The following HABP4 variants were observed in gnomAD, a reference collection of about 807,000 sequenced individuals.
HABP4 encodes hyaluronan binding protein 4, also known as intracellular hyaluronan-binding protein 4.
HABP4 carries 32 observed loss-of-function variants against 44.1 expected under a neutral mutation model. The observed-to-expected ratio is 0.73, with a 90% CI of 0.55 to 0.97. The LOEUF (loss-of-function observed/expected upper bound fraction) is 0.97, where lower values mean the gene tolerates loss of function less well. Among genes scored for constraint, HABP4 ranks in the 50% least tolerant of loss-of-function variants. The probability of loss-of-function intolerance (pLI) is 0.00; values close to 1 mark genes in which losing one functional copy is unlikely to be tolerated. For synonymous variants in HABP4, 216 were observed against 218.0 expected (o/e 0.99, Z 0.08); for missense variants, 503 against 561.9 (o/e 0.90, Z 1.06).
At position 96,488,115 on chromosome 9, in the gene HABP4, T is replaced by A. The variant is rs750076976; in HGVS notation, c.1026T>A (p.Asp342Glu). Residue 342 changes from aspartate (D) to glutamate (E), a missense_variant, in exon 7 of 8, where the codon GAT (aspartate) becomes GAA (glutamate). Asp to Glu is a conservative substitution (Grantham distance 45). This residue lies in a region of HABP4 where 131 missense variants were observed against 189.8 expected (regional missense o/e 0.69). Transcript: ENST00000375249. This position sits in a 1 kb window ranked among gnomAD's most constrained non-coding sequence, Gnocchi z 4.6. ...TGGTAAAAGATGACTATGAGGACGA[T>A]TCCCATGTTTTCCGGAAACCCGCCA... is the stretch of plus-strand genomic sequence containing the variant. ...DDMVKDDYED[D>E]SHVFRKPAND... is the part of the protein sequence containing the mutation. 1 of 1,613,358 alleles carries A rather than the reference T, an allele frequency of 6.2e-7. No homozygotes were observed. Among genetic ancestry groups the A allele is most frequent in the South Asian group, 1.1e-5 (1 of 91,068 alleles).
intron 6 of HABP4, among the ~76,000 whole-genome samples, chr9:96,485,016 C>T (rs941548017): frequency 3.3e-5 from 5 of 151,708 alleles, no homozygotes; most frequent in African/African-American, 1.2e-4. Context: ...ACTTTCAACT[C>T]TGTTTCTTGA....
chr9:96,481,518 G>A (rs1832880119), intron 5 of HABP4, among the ~76,000 whole-genome samples: 1 of 152,144 alleles, frequency 6.6e-6, no homozygotes, highest in African/African-American at 2.4e-5. Flanking sequence ...AGAGGCAGGA[G>A]GATAGCTTGA....
Position 96,465,402 on chromosome 9 carries a change from G to A in HABP4, c.578G>A (p.Arg193His), listed in dbSNP as rs200260228. 2.0e-5 allele frequency: 32 copies of A among 1,609,398 alleles called. No individual in the cohort carries two copies. Among genetic ancestry groups the A allele is most frequent in the African/African-American group, 6.7e-5 (5 of 74,944 alleles). ...CGTGGAGGCCCGAGAGGGGGTATGC[G>A]CGGCAGAGGCAGAGGTGGCCCTGGG... ...RGRGGPRGGM[R>H]GRGRGGPGNR... The change falls in exon 3 of 8, where the codon CGC becomes CAC. Residue 193 changes from arginine to histidine, a missense_variant. Arg to His is a conservative substitution (Grantham distance 29). This residue lies in a region of HABP4 where 290 missense variants were observed against 300.5 expected (regional missense o/e 0.97). Coordinates refer to ENST00000375249, the MANE Select transcript of HABP4 (RefSeq NM_014282.4).
chr9:96,476,253 T>C (rs139075384), intron 5 of HABP4, among the ~76,000 whole-genome samples: 49 of 152,316 alleles, frequency 3.2e-4, no homozygotes, highest in African/African-American at 1.2e-3. Flanking sequence ...AAATGGGATA[T>C]TAATTATATC....
At chr9:96,468,660 A>G (rs746795899) in intron 4 of HABP4, among the ~76,000 whole-genome samples, 30 of 152,144 alleles carry the variant, frequency 2.0e-4, no homozygotes, top group South Asian at 4.1e-4. Flanking sequence ...CCAAAGAGCT[A>G]AGACTGCAGG....
At chr9:96,484,813 T>G (rs368973022) in intron 6 of HABP4, among the ~76,000 whole-genome samples, 180 bp downstream of exon 6, 19 of 152,250 alleles carry the variant, frequency 1.2e-4, no homozygotes, top group African/African-American at 4.6e-4. Flanking sequence ...AATTGAAACT[T>G]GAGGTATTGA....
intron 5 of HABP4, among the ~76,000 whole-genome samples, chr9:96,474,747 G>A (rs945092769): frequency 6.6e-6 from 1 of 152,112 alleles, no homozygotes; most frequent in Non-Finnish European, 1.5e-5. Flanking sequence ...AATACATTGA[G>A]TGATAGCGAT....
In HABP4 at chr9:96,450,594, G is replaced by T. The variant is rs745766186; in HGVS notation, c.315G>T (p.Arg105=). ...GCCTCCCGGCGCCCGTCGCTCAGCG[G>T]CCCGATAGCCCCGGGGGCGGCCTGC... ...RKSLPAPVAQ[R]PDSPGGGLQA... is the part of the protein sequence containing the mutation. Residue 105 remains arginine, a synonymous_variant, in exon 1 of 8, where the codon CGG becomes CGT. Coordinates refer to ENST00000375249, the MANE Select transcript of HABP4 (RefSeq NM_014282.4). The surrounding 1 kb of genome is among the most constrained non-coding windows in gnomAD (Gnocchi z 4.8). 210 of 1,283,272 alleles carry T rather than the reference G, an allele frequency of 1.6e-4. No homozygotes were observed. Among genetic ancestry groups the T allele is most frequent in the Non-Finnish European group, 2.0e-4 (203 of 1,015,370 alleles). The allele number at this position is 1,283,272 out of a possible 1,614,324, so 79.5% of individuals were successfully genotyped here. A position where few individuals can be genotyped will look rare whatever the true frequency, so the allele number is the denominator to read the frequency against.
intron 4 of HABP4, 104 bp from the exon 5 acceptor site, chr9:96,470,907 A>C (rs1405018819): frequency 1.1e-5 from 8 of 750,904 alleles, no homozygotes; most frequent in East Asian, 5.1e-5. Flanking sequence ...AAAAAAAAAA[A>C]AAACCCAAAA....
At chr9:96,478,255 C>T (rs960871780) in intron 5 of HABP4, among the ~76,000 whole-genome samples, 1 of 152,078 alleles carries the variant, frequency 6.6e-6, no homozygotes, top group Non-Finnish European at 1.5e-5. Context: ...GCCTCAGCCT[C>T]CCGAGTAGCT....
intron 1 of HABP4, among the ~76,000 whole-genome samples, chr9:96,456,786 T>A (rs60376620): frequency 0.017 from 817 of 47,256 alleles, 21 homozygotes; most frequent in African/African-American, 0.035. Flanking sequence ...AAAAAATATA[T>A]ATATATATAT....
chr9:96,485,582 G>C (rs1332126854), intron 6 of HABP4, among the ~76,000 whole-genome samples: 1 of 152,216 alleles, frequency 6.6e-6, no homozygotes, highest in African/African-American at 2.4e-5. Flanking sequence ...CTTACGTCCA[G>C]CTCTTCTCAG....
chr9:96,458,071 T>C (rs1832429391), intron 1 of HABP4, among the ~76,000 whole-genome samples: 1 of 152,198 alleles, frequency 6.6e-6, no homozygotes, highest in South Asian at 2.1e-4. Flanking sequence ...AACTGTAGCT[T>C]ATTTAGTAAA....
chr9:96,484,458 A>G lies in HABP4; in HGVS notation c.828-4A>G. On this transcript the variant is annotated splice_region_variant and splice_polypyrimidine_tract_variant and intron_variant, in intron 5 of 7. Coordinates refer to ENST00000375249, the MANE Select transcript of HABP4 (RefSeq NM_014282.4). ...ATTCTTTATGATTATATATCTCTTT[A>G]TAGAGTTCCTGAGTTGGAGGTAGAA... 2 of 1,361,922 alleles carry G rather than the reference A, an allele frequency of 1.5e-6. No individual in the cohort carries two copies. Among genetic ancestry groups the G allele is most frequent in the South Asian group, 2.4e-5 (2 of 83,370 alleles). The allele number at this position is 1,361,922 out of a possible 1,614,324, so 84.4% of individuals were successfully genotyped here.
At chr9:96,456,780 A>AAAAAAT (rs1554724388) in intron 1 of HABP4, among the ~76,000 whole-genome samples, 2 of 44,772 alleles carry the variant, frequency 4.5e-5, no homozygotes, top group African/African-American at 1.8e-4. Flanking sequence ...AAAAAAAAAA[A>AAAAAAT]ATATATATAT....
intron 2 of HABP4, 85 bp downstream of exon 2, chr9:96,458,626 C>A (rs1044364342): frequency 2.0e-4 from 132 of 648,610 alleles, no homozygotes; most frequent in Non-Finnish European, 3.0e-4. Context: ...TTCTTTCTTT[C>A]TTTTTTTTTT....
chr9:96,463,121 T>G (rs913753752), intron 2 of HABP4, among the ~76,000 whole-genome samples: 2 of 151,892 alleles, frequency 1.3e-5, no homozygotes, highest in African/African-American at 4.8e-5. Context: ...ATTTTTATAT[T>G]TTTTAGTAGA....
chr9:96,469,019 C>T (rs1832652336), intron 4 of HABP4, among the ~76,000 whole-genome samples: 1 of 152,142 alleles, frequency 6.6e-6, no homozygotes, highest in African/African-American at 2.4e-5. Flanking sequence ...GTCGAGTATT[C>T]CTATTTGAAG....
chr9:96,471,445 TTGA>T (rs1199252352), intron 5 of HABP4, among the ~76,000 whole-genome samples: 2 of 152,042 alleles, frequency 1.3e-5, no homozygotes, highest in Non-Finnish European at 2.9e-5. Context: ...CTGGCCTTTC[TTGA>T]TGATTTCTAA....
Sources: allele counts gnomAD v4.1 joint callset (sites outside exome capture counted in the v4.1 genomes callset), GRCh38; gene constraint gnomAD v4.1.1; regional missense constraint gnomAD v4.1.1; non-coding constraint Gnocchi (gnomAD v3.1); transcripts MANE v1.5; gene names NCBI Gene and HGNC (gene_info 2026-07-23, HGNC 2026-07-21).